SLCO1B1: variants seen among roughly 807,000 people sequenced by gnomAD.
The protein encoded by SLCO1B1 is solute carrier organic anion transporter family member 1B1, also known as OATP-2.
Under a neutral mutation model 70.1 loss-of-function variants are expected in SLCO1B1, and 81 were observed. The ratio of observed to expected loss-of-function variants is 1.16; its 90% CI spans 0.97 to 1.39. The LOEUF is 1.39. SLCO1B1 is among the 40% of genes most tolerant of loss of function. SLCO1B1 has a pLI of 0.00. For synonymous variants in SLCO1B1, 283 were observed against 271.5 expected (o/e 1.04, Z -0.42); for missense variants, 895 against 799.6 (o/e 1.12, Z -1.44).
At chr12:21,209,475 G>C (rs1382571251) in intron 11 of SLCO1B1, among the ~76,000 whole-genome samples, 1 of 152,058 alleles carries the variant, frequency 6.6e-6, no homozygotes, top group East Asian at 1.9e-4. Flanking sequence ...ACATTTGGGT[G>C]GGTTCCAAGT....
At chr12:21,140,064 A>G (rs1425308089) in intron 1 of SLCO1B1, among the ~76,000 whole-genome samples, 1 of 152,108 alleles carries the variant, frequency 6.6e-6, no homozygotes, top group Non-Finnish European at 1.5e-5. Flanking sequence ...CATACATAAA[A>G]CACAGTTCTA....
intron 2 of SLCO1B1, among the ~76,000 whole-genome samples, chr12:21,154,223 G>A (rs923000819): frequency 2.0e-5 from 3 of 151,898 alleles, no homozygotes; most frequent in Non-Finnish European, 2.9e-5. Context: ...TTTGTATGTC[G>A]AGTCATAATC....
rs748610986 is a variant in SLCO1B1, at chr12:21,178,572, A to G, written c.482-4A>G. Reference sequence around the variant, plus strand: ...TAAAATGAAACACTCTCTTATCTACATAGGTTGTTTAAAGGAATCTGGGTC... The same window carrying G: ...TAAAATGAAACACTCTCTTATCTACGTAGGTTGTTTAAAGGAATCTGGGTC... On this transcript the variant is annotated splice_polypyrimidine_tract_variant and splice_region_variant and intron_variant, in intron 5 of 14. Transcript: ENST00000256958. 3.1e-6 allele frequency: 5 copies of G among 1,595,874 alleles called. No individual in the cohort carries two copies. The highest frequency in any genetic ancestry group is 2.7e-5 in the African/African-American group (2 of 74,602).
At chr12:21,142,066 CTT>C (rs578052101) in intron 2 of SLCO1B1, among the ~76,000 whole-genome samples, 6 of 44,290 alleles carry the variant, frequency 1.4e-4, no homozygotes, top group African/African-American at 2.4e-4. Context: ...TTTAAAAATT[CTT>C]TTAAAAAAAA....
intron 2 of SLCO1B1, among the ~76,000 whole-genome samples, chr12:21,166,410 C>G (rs1940686549): frequency 6.6e-6 from 1 of 152,022 alleles, no homozygotes. Flanking sequence ...AACTGATATT[C>G]AAAAGTATGC....
intron 2 of SLCO1B1, among the ~76,000 whole-genome samples, chr12:21,162,518 G>A (rs1940633728): frequency 2.0e-5 from 3 of 152,172 alleles, no homozygotes; most frequent in Admixed American, 2.0e-4. Context: ...CAGTAAGGAG[G>A]TGGCATTAAG....
intron 7 of SLCO1B1, 140 bp downstream of exon 7, chr12:21,179,160 G>A (rs1473377618): frequency 3.1e-6 from 2 of 639,664 alleles, no homozygotes; most frequent in East Asian, 2.8e-5. Context: ...GGAAATAAAT[G>A]TATTACTAAT....
chr12:21,136,959 G>A (rs907520610), intron 1 of SLCO1B1, among the ~76,000 whole-genome samples: 2 of 152,076 alleles, frequency 1.3e-5, no homozygotes, highest in African/African-American at 4.8e-5. Context: ...CATCTTTGTG[G>A]TTTCATCTAT....
intron 11 of SLCO1B1, among the ~76,000 whole-genome samples, chr12:21,209,676 C>T (rs1941256362): frequency 6.7e-6 from 1 of 149,638 alleles, no homozygotes; most frequent in South Asian, 2.1e-4. Context: ...GTCCCACCAA[C>T]AGTGTAAAAG....
intron 11 of SLCO1B1, among the ~76,000 whole-genome samples, chr12:21,210,410 T>C (rs1335056987): frequency 8.6e-6 from 1 of 115,932 alleles, no homozygotes; most frequent in Non-Finnish European, 1.8e-5. Flanking sequence ...TTCTGTTCCA[T>C]TGATCTATAT....
At chr12:21,210,308 A>G (rs867752058) in intron 11 of SLCO1B1, among the ~76,000 whole-genome samples, 1 of 127,088 alleles carries the variant, frequency 7.9e-6, no homozygotes, top group East Asian at 2.6e-4. Context: ...ACCATTTATT[A>G]AATAGGGAAT....
intron 7 of SLCO1B1, among the ~76,000 whole-genome samples, chr12:21,188,937 C>T (rs1039054793): frequency 6.6e-6 from 1 of 152,170 alleles, no homozygotes; most frequent in African/African-American, 2.4e-5. Flanking sequence ...TCACATATTG[C>T]AGAATATCCT....
intron 11 of SLCO1B1, among the ~76,000 whole-genome samples, chr12:21,214,953 G>A (rs1219751206): frequency 2.0e-5 from 3 of 151,884 alleles, no homozygotes; most frequent in African/African-American, 7.3e-5. Flanking sequence ...ACTGACCTGC[G>A]CCCACTGTCT....
intron 2 of SLCO1B1, among the ~76,000 whole-genome samples, chr12:21,154,512 T>C (rs1940515133): frequency 6.6e-6 from 1 of 152,108 alleles, no homozygotes; most frequent in Non-Finnish European, 1.5e-5. Context: ...TGCTATATTT[T>C]CTTACAGCAC....
chr12:21,220,164 T>A lies in SLCO1B1; in HGVS notation c.1683-2136T>A, dbSNP rs1240248823. 3.3e-5 allele frequency among the ~76,000 whole-genome samples: 5 copies of A among 152,128 alleles called. No homozygotes were observed. In the East Asian group the frequency reaches 9.7e-4, roughly 29 times the overall value. On this transcript the variant is annotated intron_variant, in intron 12 of 14. Transcript: ENST00000256958. ...ATAATCCCAAAGTTCTGGCTTGAGT[T>A]CTGGAAGGATGGTGGTACTATTGAA...
intron 2 of SLCO1B1, among the ~76,000 whole-genome samples, chr12:21,152,533 C>CTTTTTTTTTTTT (rs71043250): frequency 0.016 from 534 of 34,324 alleles, 161 homozygotes; most frequent in African/African-American, 0.043. Context: ...AGAGGAGAGG[C>CTTTTTTTTTTTT]TTTTTTTTTT....
At chr12:21,165,602 T>C (rs1388227699) in intron 2 of SLCO1B1, among the ~76,000 whole-genome samples, 3 of 152,172 alleles carry the variant, frequency 2.0e-5, no homozygotes, top group African/African-American at 7.2e-5. Context: ...AAATTGTGTA[T>C]TGAATTTCAA....
rs71577817 is a variant in SLCO1B1 at position 21,222,373 on chromosome 12, A to G, written c.1747+9A>G. 0.037 allele frequency: 6,209 copies of G among 169,830 alleles called. 102 individuals are homozygous for G. Among genetic ancestry groups the G allele is most frequent in the Admixed American group, 0.043 (308 of 7,148 alleles). 10.5% of individuals were successfully genotyped at this position (169,830 alleles called of 1,614,324 possible). ...GGTTATACGAGCACTAGGTATGATG[A>G]AAAAAAAAAAAAAAAAAAAAAAAAA... On this transcript the variant is annotated intron_variant, in intron 13 of 14. Transcript: ENST00000256958.
intron 9 of SLCO1B1, among the ~76,000 whole-genome samples, chr12:21,200,963 G>C (rs941332501): frequency 6.6e-6 from 1 of 152,048 alleles, no homozygotes; most frequent in East Asian, 1.9e-4. Flanking sequence ...TTAGTGCTAA[G>C]ATCTGAGACA....
Sources: gnomAD v4.1 joint callset for allele counts (sites outside exome capture counted in the v4.1 genomes callset) on GRCh38, gnomAD v4.1.1 for gene constraint, MANE v1.5 for transcripts, NCBI Gene and HGNC (gene_info 2026-07-23, HGNC 2026-07-21) for gene names.